PPIL3: variants seen among roughly 807,000 people sequenced by gnomAD.
PPIL3 encodes peptidyl-prolyl cis-trans isomerase-like 3.
Under a neutral mutation model 20.9 loss-of-function variants are expected in PPIL3, and 13 were observed. The ratio of observed to expected loss-of-function variants is 0.62; its 90% CI spans 0.40 to 0.99. The LOEUF (loss-of-function observed/expected upper bound fraction) is 0.99, where lower values mean the gene tolerates loss of function less well. PPIL3 is among the 50% of genes least tolerant of loss of function. PPIL3 has a pLI of 0.00. For missense variants in PPIL3, 170 were observed against 195.2 expected (o/e 0.87, Z 0.77); for synonymous variants, 71 against 64.4 (o/e 1.10, Z -0.49).
chr2:200,875,197 G>C (rs1372460050), intron 6 of PPIL3, among the ~76,000 whole-genome samples: 1 of 152,130 alleles, frequency 6.6e-6, no homozygotes, highest in Non-Finnish European at 1.5e-5. Flanking sequence ...GGGTGGCAAT[G>C]TGGCTGAAAT....
chr2:200,888,074 A>AAAAT (rs2040029195), intron 1 of PPIL3, among the ~76,000 whole-genome samples: 1 of 148,276 alleles, frequency 6.7e-6, no homozygotes, highest in Non-Finnish European at 1.5e-5. Context: ...AAAAAAAAAA[A>AAAAT]TCCTCTAATG....
chr2:200,886,720 C>T (rs1156907845), intron 2 of PPIL3, among the ~76,000 whole-genome samples: 2 of 152,246 alleles, frequency 1.3e-5, no homozygotes. Flanking sequence ...GCCACCGCGC[C>T]TGGCCTAGCA....
chr2:200,877,522 G>A (rs2039566732), intron 5 of PPIL3: 1 of 152,296 alleles, frequency 6.6e-6, no homozygotes, highest in African/African-American at 2.4e-5. Flanking sequence ...TAGTGTGCTG[G>A]AATGAAATGA....
In PPIL3 at chr2:200,876,990, G is replaced by T. The variant is rs2105765371; in HGVS notation, c.288C>A (p.Thr96=). Reference sequence around the variant, plus strand: ...AGGTGATGAAGAACTGAGATCCATTGGTGTTCGGGCCATTATTAGCCATAG... The same window carrying T: ...AGGTGATGAAGAACTGAGATCCATTTGTGTTCGGGCCATTATTAGCCATAG... The part of the protein sequence containing the change: ...VVSMANNGPN[T]NGSQFFITYG... Residue 96 remains threonine, a synonymous_variant, in exon 6 of 7, where the codon ACC becomes ACA. Transcript: ENST00000392283. 6.2e-7 allele frequency: 1 copy of T among 1,613,840 alleles called. No individual in the cohort carries two copies. The highest frequency in any genetic ancestry group is 1.7e-4 in the Middle Eastern group (1 of 6,060).
chr2:200,873,908 A>G (rs2039407026), intron 6 of PPIL3, among the ~76,000 whole-genome samples: 1 of 151,934 alleles, frequency 6.6e-6, no homozygotes, highest in Admixed American at 6.6e-5. Context: ...TACTTTAAAA[A>G]ATTAACAGAT....
At chr2:200,872,875 GTT>G (rs540748211) in intron 6 of PPIL3, among the ~76,000 whole-genome samples, 2 of 143,210 alleles carry the variant, frequency 1.4e-5, no homozygotes, top group Non-Finnish European at 1.5e-5. Context: ...CTTTGTACTT[GTT>G]TTTTTTTTTT....
intron 2 of PPIL3, 96 bp downstream of exon 2, chr2:200,887,517 G>C (rs1013348143): frequency 3.3e-5 from 27 of 825,106 alleles, no homozygotes; most frequent in Admixed American, 2.7e-4. Context: ...TCTCCATCTT[G>C]CCACTGCAAT....
chr2:200,876,324 G>T (rs1473532128), intron 6 of PPIL3, among the ~76,000 whole-genome samples: 1 of 151,330 alleles, frequency 6.6e-6, no homozygotes, highest in Non-Finnish European at 1.5e-5. Context: ...AAAAGAAAAA[G>T]AAAAAGAAAA....
intron 3 of PPIL3, among the ~76,000 whole-genome samples, chr2:200,884,544 G>A (rs1432043964): frequency 1.3e-5 from 2 of 151,936 alleles, no homozygotes; most frequent in Non-Finnish European, 2.9e-5. Flanking sequence ...TCGAGACCAA[G>A]TTGGGCAACA....
At chr2:200,887,500 T>C (rs1200339841) in intron 2 of PPIL3, 113 bp downstream of exon 2, 4 of 683,456 alleles carry the variant, frequency 5.9e-6, no homozygotes, top group African/African-American at 1.8e-5. Flanking sequence ...TTCTATATTA[T>C]ACAATTTCTC....
chr2:200,888,828 G>A, intron 1 of PPIL3, 128 bp downstream of exon 1: 1 of 440,012 alleles, frequency 2.3e-6, no homozygotes, highest in Non-Finnish European at 4.8e-6. Flanking sequence ...CTTTTACTCT[G>A]ACGTTGCAAC....
chr2:200,888,521 CT>C (rs941527376), intron 1 of PPIL3: 12 of 182,336 alleles, frequency 6.6e-5, no homozygotes, highest in East Asian at 1.5e-4. Context: ...ATGAACTTCT[CT>C]TTTTTTTTCA....
At chr2:200,887,775 C>T (rs1575121327) in intron 1 of PPIL3, 90 bp from the exon 2 acceptor site, 2 of 509,110 alleles carry the variant, frequency 3.9e-6, no homozygotes, top group East Asian at 3.4e-5. Context: ...ATAAAAACCT[C>T]GCCGGGCGTG....
At chr2:200,876,346 T>C (rs928323115) in intron 6 of PPIL3, among the ~76,000 whole-genome samples, 1 of 151,980 alleles carries the variant, frequency 6.6e-6, no homozygotes, top group African/African-American at 2.4e-5. Context: ...AGATATACTA[T>C]GTTAATTTGC....
intron 6 of PPIL3, among the ~76,000 whole-genome samples, chr2:200,872,889 TG>T (rs948452415): frequency 1.1e-4 from 16 of 151,798 alleles, no homozygotes; most frequent in Admixed American, 9.2e-4. Context: ...TTTTTTTTTT[TG>T]AGATGAAGTC....
intron 1 of PPIL3, chr2:200,888,579 G>A (rs2040064048): frequency 9.6e-6 from 2 of 209,044 alleles, no homozygotes; most frequent in South Asian, 1.2e-4. Flanking sequence ...GTGCAGTGCG[G>A]CAGGATCTCG....
intron 3 of PPIL3, among the ~76,000 whole-genome samples, chr2:200,883,086 C>T (rs530598068): frequency 3.2e-3 from 485 of 149,954 alleles, no homozygotes; most frequent in Middle Eastern, 6.9e-3. Flanking sequence ...GTACTCTGTA[C>T]CTGAGATTTC....
chr2:200,887,502 C>G (rs773331933), intron 2 of PPIL3, 111 bp downstream of exon 2: 2 of 621,960 alleles, frequency 3.2e-6, no homozygotes, highest in Non-Finnish European at 5.5e-6. Context: ...CTATATTATA[C>G]AATTTCTCCA....
intron 6 of PPIL3, among the ~76,000 whole-genome samples, chr2:200,876,039 A>G (rs970641245): frequency 1.3e-5 from 2 of 151,554 alleles, no homozygotes; most frequent in South Asian, 2.1e-4. Context: ...TTAAGCCACT[A>G]TTTTTCAGAT....
Sources: gnomAD v4.1 joint callset for allele counts (sites outside exome capture counted in the v4.1 genomes callset) on GRCh38, gnomAD v4.1.1 for gene constraint, MANE v1.5 for transcripts, NCBI Gene and HGNC (gene_info 2026-07-23, HGNC 2026-07-21) for gene names.